MAGI2: variants seen among roughly 807,000 people sequenced by gnomAD.
MAGI2 encodes the protein membrane associated guanylate kinase, WW and PDZ domain containing 2, also known as membrane-associated guanylate kinase, WW and PDZ domain-containing protein 2.
Under a neutral mutation model 133.3 loss-of-function variants are expected in MAGI2, and 35 were observed. The ratio of observed to expected loss-of-function variants is 0.26; its 90% CI spans 0.20 to 0.35. The LOEUF (loss-of-function observed/expected upper bound fraction) is 0.35. Ranked by LOEUF, MAGI2 falls within the 10% of genes least tolerant of loss-of-function variation. MAGI2 has a pLI of 1.00. For synonymous variants in MAGI2, 729 were observed against 710.6 expected (o/e 1.03, Z -0.41); for missense variants, 1,636 against 1,863.4 (o/e 0.88, Z 2.25).
intron 3 of MAGI2, among the ~76,000 whole-genome samples, chr7:78,570,298 T>A (rs1801374163): frequency 6.6e-6 from 1 of 152,222 alleles, no homozygotes; most frequent in Non-Finnish European, 1.5e-5. Context: ...TCTAAGTAGA[T>A]CTTGTAAATA....
At chr7:78,155,256 C>G (rs1217743078) in intron 16 of MAGI2, among the ~76,000 whole-genome samples, 2 of 152,156 alleles carry the variant, frequency 1.3e-5, no homozygotes, top group Non-Finnish European at 2.9e-5. Context: ...GAAACAAATA[C>G]ATAATATTTT....
chr7:78,230,018 C>T (rs551734878), intron 10 of MAGI2, among the ~76,000 whole-genome samples: 68 of 152,318 alleles, frequency 4.5e-4, no homozygotes, highest in African/African-American at 1.5e-3. Context: ...TGTTAGTAAA[C>T]TGCATATATT....
intron 1 of MAGI2, among the ~76,000 whole-genome samples, chr7:79,288,506 A>AT (rs1029109625): frequency 2.6e-5 from 4 of 152,244 alleles, no homozygotes; most frequent in African/African-American, 7.2e-5. Flanking sequence ...AGCTGTTTAC[A>AT]TTTTTTGGTA....
chr7:79,452,997 A>C lies in MAGI2; in HGVS notation c.301+23T>G, dbSNP rs754237864. 65 of 1,531,184 alleles carry C rather than the reference A, an allele frequency of 4.2e-5. No individual in the cohort carries two copies. In the African/African-American group the frequency reaches 8.5e-4, roughly 20 times the overall value. 94.8% of individuals were successfully genotyped at this position (1,531,184 alleles called of 1,614,324 possible). A position where few individuals can be genotyped will look rare whatever the true frequency, so the allele number is the denominator to read the frequency against. ...GAGCGGTCCCACCGCCCGGCAAAAC[A>C]CTGAGCAAGCCGCTGCTCTCACCTT... is the stretch of plus-strand genomic sequence containing the variant. On this transcript the variant is annotated intron_variant, in intron 1 of 21. Coordinates refer to ENST00000354212, the MANE Select transcript of MAGI2 (RefSeq NM_012301.4).
intron 2 of MAGI2, among the ~76,000 whole-genome samples, chr7:78,959,214 C>T (rs192174633): frequency 6.6e-6 from 1 of 152,212 alleles, no homozygotes; most frequent in African/African-American, 2.4e-5. Flanking sequence ...GGCAACTCAG[C>T]TTCACCACTT....
intron 2 of MAGI2, among the ~76,000 whole-genome samples, chr7:78,980,484 T>C (rs1804683781): frequency 6.6e-6 from 1 of 151,752 alleles, no homozygotes; most frequent in East Asian, 2.0e-4. Context: ...GAGCTGCCTG[T>C]TATGTAGAGT....
At chr7:78,319,715 G>T (rs1787802226) in intron 9 of MAGI2, among the ~76,000 whole-genome samples, 1 of 152,116 alleles carries the variant, frequency 6.6e-6, no homozygotes, top group Non-Finnish European at 1.5e-5. Flanking sequence ...ACAATTAAAA[G>T]AACTAGAGAA....
At chr7:79,420,246 G>A (rs1378164959) in intron 1 of MAGI2, among the ~76,000 whole-genome samples, 2 of 151,960 alleles carry the variant, frequency 1.3e-5, no homozygotes, top group African/African-American at 4.8e-5. Flanking sequence ...ACACAAACAT[G>A]CAACTGTCTC....
intron 9 of MAGI2, among the ~76,000 whole-genome samples, chr7:78,293,820 C>T (rs1308456113): frequency 6.6e-6 from 1 of 152,126 alleles, no homozygotes; most frequent in East Asian, 1.9e-4. Flanking sequence ...TCATTCTGAG[C>T]AAACTATTGC....
chr7:78,428,082 T>C (rs1799460442), intron 6 of MAGI2, among the ~76,000 whole-genome samples: 1 of 152,184 alleles, frequency 6.6e-6, no homozygotes, highest in East Asian at 1.9e-4. Flanking sequence ...GAGTCTTCTG[T>C]AATTATATTT....
At chr7:78,170,832 T>G (rs1200701137) in intron 14 of MAGI2, 1 of 151,626 alleles carries the variant, frequency 6.6e-6, no homozygotes, top group African/African-American at 2.4e-5. Flanking sequence ...TATATATTAT[T>G]ATATAGTTAC....
intron 2 of MAGI2, among the ~76,000 whole-genome samples, chr7:78,948,808 A>G (rs181844806): frequency 5.3e-5 from 8 of 152,230 alleles, no homozygotes; most frequent in Non-Finnish European, 1.2e-4. Flanking sequence ...AATTTGCTCA[A>G]TACGAACATA....
intron 10 of MAGI2, among the ~76,000 whole-genome samples, chr7:78,222,739 T>C (rs1240074608): frequency 6.6e-6 from 1 of 152,192 alleles, no homozygotes. Flanking sequence ...TGATGCTTCT[T>C]AACACATAGG....
intron 2 of MAGI2, among the ~76,000 whole-genome samples, chr7:78,783,588 T>C (rs1172851929): frequency 6.6e-6 from 1 of 152,244 alleles, no homozygotes. Context: ...TACAGGAACC[T>C]GGAGCTTTGC....
At chr7:78,809,966 TCA>T (rs1180255241) in intron 2 of MAGI2, among the ~76,000 whole-genome samples, 2 of 152,186 alleles carry the variant, frequency 1.3e-5, no homozygotes, top group African/African-American at 4.8e-5. Context: ...CTTGTGAAAT[TCA>T]CAGTTTTATT....
chr7:78,789,411 G>A (rs1420155649), intron 2 of MAGI2, among the ~76,000 whole-genome samples: 1 of 152,200 alleles, frequency 6.6e-6, no homozygotes, highest in Non-Finnish European at 1.5e-5. Flanking sequence ...TCTCAGCAAA[G>A]ATGTAAAATC....
chr7:79,151,817 C>T (rs1823274145), intron 1 of MAGI2, among the ~76,000 whole-genome samples: 1 of 152,130 alleles, frequency 6.6e-6, no homozygotes, highest in South Asian at 2.1e-4. Flanking sequence ...ATGAAAACTA[C>T]TTCAGCTGGA....
chr7:79,441,844 T>C (rs866495259), intron 1 of MAGI2, among the ~76,000 whole-genome samples: 13 of 152,138 alleles, frequency 8.5e-5, no homozygotes, highest in Non-Finnish European at 1.6e-4. Context: ...TTAATAATTA[T>C]TTTTTATAAT....
chr7:78,291,276 A>G (rs542002512), intron 9 of MAGI2, among the ~76,000 whole-genome samples: 1 of 152,344 alleles, frequency 6.6e-6, no homozygotes, highest in African/African-American at 2.4e-5. Context: ...CAGAAATACA[A>G]ACTACCATCA....
Sources: gnomAD v4.1 joint callset for allele counts (sites outside exome capture counted in the v4.1 genomes callset) on GRCh38, gnomAD v4.1.1 for gene constraint, MANE v1.5 for transcripts, NCBI Gene and HGNC (gene_info 2026-07-23, HGNC 2026-07-21) for gene names.